SLC30A10: variants seen among roughly 807,000 people sequenced by gnomAD.
SLC30A10 encodes calcium/manganese antiporter SLC30A10.
In SLC30A10, 8 loss-of-function variants were observed where a neutral mutation model predicts 21.7. The ratio of observed to expected loss-of-function variants is 0.37; its 90% confidence interval spans 0.22 to 0.67. The LOEUF (loss-of-function observed/expected upper bound fraction) is 0.67, where lower values mean the gene tolerates loss of function less well. SLC30A10 is among the 30% of genes least tolerant of loss of function. The pLI is 0.58. For synonymous variants in SLC30A10, 272 were observed against 279.4 expected (o/e 0.97, Z 0.26); for missense variants, 521 against 642.5 (o/e 0.81, Z 2.04).
rs1457819877 is a variant in SLC30A10 at position 219,913,813 on chromosome 1, G to T, written c.*1636C>A. ...AAGAATTTCCTGGCCAGGTGCAGTG[G>T]CTCATGACTGTTCTCCCAGTGCTTT... On this transcript the variant is annotated 3_prime_UTR_variant, in exon 4 of 4. Coordinates refer to ENST00000366926, the MANE Select transcript of SLC30A10 (RefSeq NM_018713.3). 1.3e-5 allele frequency: 2 copies of T among 152,148 alleles called. No homozygotes were observed. The highest frequency in any genetic ancestry group is 4.8e-5 in the African/African-American group (2 of 41,430). The allele number at this position is 152,148 out of a possible 1,614,324, so 9.4% of individuals were successfully genotyped here. A position where few individuals can be genotyped will look rare whatever the true frequency, so the allele number is the denominator to read the frequency against.
At chr1:219,928,610 A>G (rs1659910020), upstream of SLC30A10, 1 of 561,308 alleles carries the variant, frequency 1.8e-6, no homozygotes, top group Non-Finnish European at 3.0e-6. The surrounding 1 kb of genome is among the most constrained non-coding windows in gnomAD (Gnocchi z 6.3). Flanking sequence ...GAGCGCCACC[A>G]GTCCCCGCAC....
chr1:219,939,602 G>C (rs979533892), intron 1 of SLC30A10, among the ~76,000 whole-genome samples: 5 of 152,040 alleles, frequency 3.3e-5, no homozygotes, highest in African/African-American at 1.2e-4. Context: ...GCTGATTTTT[G>C]TATTTTTAGT....
At chr1:219,943,009 C>T (rs1216121879) in intron 1 of SLC30A10, among the ~76,000 whole-genome samples, 12 of 152,116 alleles carry the variant, frequency 7.9e-5, no homozygotes, top group Admixed American at 7.2e-4. Context: ...CATGCCACTG[C>T]ACTCTAGCCT....
chr1:219,947,373 A>T (rs1292080997), intron 1 of SLC30A10, among the ~76,000 whole-genome samples: 6 of 152,090 alleles, frequency 3.9e-5, no homozygotes, highest in African/African-American at 1.4e-4. Flanking sequence ...CTACAAAAAA[A>T]TGAAAAATAA....
intron 1 of SLC30A10, among the ~76,000 whole-genome samples, chr1:219,950,259 T>C (rs953303656): frequency 2.0e-5 from 3 of 152,230 alleles, no homozygotes; most frequent in African/African-American, 7.2e-5. Context: ...GTTTAAAATA[T>C]GTAGTTTTAA....
At chr1:219,919,207 T>C (rs1418875057) in intron 2 of SLC30A10, among the ~76,000 whole-genome samples, 2 of 152,204 alleles carry the variant, frequency 1.3e-5, no homozygotes, top group East Asian at 1.9e-4. Context: ...CAGCAAAGAT[T>C]TGAGTGCCCA....
rs1010956252 is a variant in SLC30A10, at chr1:219,911,516, A to T, written c.*3933T>A. ...TTGAGGATATTCAGGAGTTAAAGAG[A>T]TCAGCACAGAAGAGTGAGACCAAAT... On this transcript the variant is annotated 3_prime_UTR_variant, in exon 4 of 4. Transcript: ENST00000366926. 3.3e-5 allele frequency among the ~76,000 whole-genome samples: 5 copies of T among 152,110 alleles called. No individual in the cohort carries two copies. The highest frequency in any genetic ancestry group is 7.4e-5 in the Non-Finnish European group (5 of 68,024).
chr1:219,953,775 C>T (rs910772873), intron 1 of SLC30A10, among the ~76,000 whole-genome samples: 2 of 151,398 alleles, frequency 1.3e-5, no homozygotes, highest in African/African-American at 2.4e-5. Context: ...GGCCCGATCT[C>T]GGCTCACTGC....
chr1:219,932,938 G>A (rs1319397285), upstream of SLC30A10, among the ~76,000 whole-genome samples: 1 of 151,436 alleles, frequency 6.6e-6, no homozygotes, highest in Non-Finnish European at 1.5e-5. Context: ...GCGCACGCCT[G>A]TAATCCCAGC....
chr1:219,927,846 C>A lies in SLC30A10; in HGVS notation c.595G>T (p.Glu199Ter). ...SAVTLRGTSV[E>*]RKREKGATVF... ...GTCGCCCCCTTCTCCCGCTTCCTTT[C>A]CACCGAGGTCCCCCGGAGGGTTACG... Residue 199 changes from glutamate (E) to a stop codon, truncating the protein, a stop_gained, in exon 1 of 4, where the codon GAA becomes TAA. Transcript: ENST00000366926. LOFTEE classifies it high-confidence loss of function. 6.5e-7 allele frequency: 1 copy of A among 1,547,762 alleles called. No individual in the cohort carries two copies.
intron 2 of SLC30A10, among the ~76,000 whole-genome samples, chr1:219,919,333 T>G (rs969576554): frequency 1.3e-5 from 2 of 152,198 alleles, no homozygotes; most frequent in Non-Finnish European, 2.9e-5. Flanking sequence ...GGATTTTGTT[T>G]GTTTTTTACA....
At chr1:219,948,493 GA>G (rs1660222054) in intron 1 of SLC30A10, among the ~76,000 whole-genome samples, 1 of 152,118 alleles carries the variant, frequency 6.6e-6, no homozygotes, top group African/African-American at 2.4e-5. Flanking sequence ...ACAAACCTGA[GA>G]AAAACAAGCA....
In SLC30A10 at chr1:219,928,171, G is replaced by T. The variant is rs1449996163; in HGVS notation, c.270C>A (p.Thr90=). 6.4e-7 allele frequency: 1 copy of T among 1,559,922 alleles called. No individual in the cohort carries two copies. Residue 90 remains threonine, a synonymous_variant, in exon 1 of 4, where the codon ACC becomes ACA. Transcript: ENST00000366926. This position sits in a 1 kb window ranked among gnomAD's most constrained non-coding sequence, Gnocchi z 6.3. ...VGALSNAVFL[T]ALCFTIFVEA... is the part of the protein sequence containing the mutation. ...CCACGAAGATGGTGAAGCAGAGCGCGGTGAGGAAGACCGCGTTGCTCAGCG... is the reference window on the plus strand; with the variant it reads ...CCACGAAGATGGTGAAGCAGAGCGCTGTGAGGAAGACCGCGTTGCTCAGCG...
At position 219,928,538 on chromosome 1, in the gene SLC30A10, C is replaced by T; in HGVS notation, c.-98G>A. On this transcript the variant is annotated 5_prime_UTR_variant, in exon 1 of 4. Transcript: ENST00000366926. This position sits in a 1 kb window ranked among gnomAD's most constrained non-coding sequence, Gnocchi z 6.3. Reference sequence around the variant, plus strand: ...GGGCGCGGCGCGGATCCGTGAGGCCCGGTACCCGCCTCCCAGATTGTCTCG... The same window carrying T: ...GGGCGCGGCGCGGATCCGTGAGGCCTGGTACCCGCCTCCCAGATTGTCTCG... The T allele has an allele frequency of 8.8e-7, 1 of 1,141,494 alleles. No homozygotes were observed. The highest frequency in any genetic ancestry group is 1.2e-6 in the Non-Finnish European group (1 of 861,702). 70.7% of individuals were successfully genotyped at this position (1,141,494 alleles called of 1,614,324 possible). A position where few individuals can be genotyped will look rare whatever the true frequency, so the allele number is the denominator to read the frequency against.
At position 219,928,049 on chromosome 1, in the gene SLC30A10, A is replaced by G; in HGVS notation, c.392T>C (p.Leu131Pro). The change falls in exon 1 of 4, where the codon CTG becomes CCG. Residue 131 changes from leucine (L) to proline (P), a missense_variant. Leu to Pro is a moderately conservative substitution (Grantham distance 98). Coordinates refer to ENST00000366926, the MANE Select transcript of SLC30A10 (RefSeq NM_018713.3). The surrounding 1 kb of genome is among the most constrained non-coding windows in gnomAD (Gnocchi z 6.3). ...VLGLLVNVVG[L>P]LIFQDCAAWF... ...GGCGGCGCAGTCCTGGAAGATGAGCAGCCCCACCACGTTGACCAACAGCCC... is the reference window on the plus strand; with the variant it reads ...GGCGGCGCAGTCCTGGAAGATGAGCGGCCCCACCACGTTGACCAACAGCCC... The G allele has an allele frequency of 6.3e-7, 1 of 1,590,446 alleles. No homozygotes were observed. The highest frequency in any genetic ancestry group is 8.5e-7 in the Non-Finnish European group (1 of 1,169,978).
At position 219,911,155 on chromosome 1, in the gene SLC30A10, T is replaced by TTTTTG. The variant is rs1558247334; in HGVS notation, c.*4293_*4294insCAAAA. 3.7e-5 allele frequency among the ~76,000 whole-genome samples: 4 copies of TTTTTG among 107,486 alleles called. No individual in the cohort carries two copies. The highest frequency in any genetic ancestry group is 1.4e-4 in the African/African-American group (3 of 21,678). 70.5% of individuals were successfully genotyped at this position (107,486 alleles called of 152,430 possible). On this transcript the variant is annotated 3_prime_UTR_variant, in exon 4 of 4. Transcript: ENST00000366926. ...CTTCATTTTTTCTACATCAGTTTTTTTTTTTTTTTTTTTTTTTTTGCAGTC... is the reference window on the plus strand; with the variant it reads ...CTTCATTTTTTCTACATCAGTTTTTTTTTTGTTTTTTTTTTTTTTTTTTTGCAGTC...
chr1:219,918,548 C>A lies in SLC30A10; in HGVS notation c.719-54G>T. 1 of 1,524,128 alleles carries A rather than the reference C, an allele frequency of 6.6e-7. No homozygotes were observed. 94.4% of individuals were successfully genotyped at this position (1,524,128 alleles called of 1,614,324 possible). On this transcript the variant is annotated intron_variant, in intron 2 of 3. Transcript: ENST00000366926. The surrounding 1 kb of genome is among the most constrained non-coding windows in gnomAD (Gnocchi z 4.4). ...AGATGCAAATCTGGAAGCCACGTGA[C>A]ACTCACTGACTTGGGTGTCCGGGTA...
chr1:219,944,628 G>T (rs1453651169), intron 1 of SLC30A10, among the ~76,000 whole-genome samples: 1 of 152,064 alleles, frequency 6.6e-6, no homozygotes, highest in East Asian at 1.9e-4. Flanking sequence ...GGGAGGTAAG[G>T]TTTCTACATT....
At chr1:219,920,954 T>C (rs552002396) in intron 2 of SLC30A10, among the ~76,000 whole-genome samples, 1 of 152,292 alleles carries the variant, frequency 6.6e-6, no homozygotes, top group African/African-American at 2.4e-5. Flanking sequence ...CCCTCTTACC[T>C]TTTTCATACA....
Sources: gnomAD v4.1 joint callset for allele counts (sites outside exome capture counted in the v4.1 genomes callset) on GRCh38, gnomAD v4.1.1 for gene constraint, Gnocchi (gnomAD v3.1) non-coding constraint, MANE v1.5 for transcripts, NCBI Gene and HGNC (gene_info 2026-07-23, HGNC 2026-07-21) for gene names.